The following ERCC3 variants were observed in gnomAD, a reference collection of about 807,000 sequenced individuals.
ERCC3 encodes general transcription and DNA repair factor IIH helicase/translocase subunit XPB.
A neutral mutation model predicts 94.2 loss-of-function variants in ERCC3; 66 were observed. The ratio of observed to expected loss-of-function variants is 0.70; its 90% CI spans 0.57 to 0.86. The LOEUF is 0.86. ERCC3 is among the 40% of genes least tolerant of loss of function. The pLI is 0.00. For missense variants in ERCC3, 829 were observed against 987.1 expected, an observed-to-expected ratio of 0.84 and a Z score of 2.15; for synonymous variants, 349 against 369.1, an observed-to-expected ratio of 0.95 and a Z score of 0.63.
intron 11 of ERCC3, among the ~76,000 whole-genome samples, chr2:127,272,052 CTT>C (rs1684575040): frequency 9.6e-6 from 1 of 104,524 alleles, no homozygotes; most frequent in Non-Finnish European, 1.7e-5. Context: ...GAGTCTCGCT[CTT>C]GTTGCCTAGG....
At chr2:127,293,822 A>C (rs756346526) in intron 1 of ERCC3, 104 bp from the exon 2 acceptor site, 8 of 1,594,684 alleles carry the variant, frequency 5.0e-6, no homozygotes, top group Non-Finnish European at 6.8e-6. Flanking sequence ...CCTAGCTAAG[A>C]GCCACCTGCA....
Position 127,292,686 on chromosome 2 carries a change from T to C in ERCC3, c.395A>G (p.Gln132Arg). 1.2e-6 allele frequency: 2 copies of C among 1,614,240 alleles called. No individual in the cohort carries two copies. Among genetic ancestry groups the C allele is most frequent in the South Asian group, 2.2e-5 (2 of 91,086 alleles). ...SLYAAVSVGL[Q>R]TSDITEYLRK... Reference sequence around the variant, plus strand: ...GAGGTACTCGGTGATGTCACTGGTTTGCAGCCCAACGCTGACAGCTGCATA... The same window carrying C: ...GAGGTACTCGGTGATGTCACTGGTTCGCAGCCCAACGCTGACAGCTGCATA... The change falls in exon 3 of 15, where the codon CAA (glutamine) becomes CGA (arginine). Residue 132 changes from glutamine (Q) to arginine (R), a missense_variant. Gln to Arg is a conservative substitution (Grantham distance 43). Coordinates refer to ENST00000285398, the MANE Select transcript of ERCC3 (RefSeq NM_000122.2).
intron 10 of ERCC3, among the ~76,000 whole-genome samples, chr2:127,276,355 A>G (rs560456586): frequency 2.0e-5 from 3 of 152,240 alleles, no homozygotes; most frequent in Non-Finnish European, 4.4e-5. Context: ...CTTTAAACCA[A>G]TAAAATACAG....
At position 127,280,343 on chromosome 2, in the gene ERCC3, G is replaced by A. The variant is rs1684868783; in HGVS notation, c.1527+104C>T. ...TCCTGTATGAAGTGGTAGCAGGTGAGCCTAAGTCCTGACCTGTGTCTGCCC... is the reference window on the plus strand; with the variant it reads ...TCCTGTATGAAGTGGTAGCAGGTGAACCTAAGTCCTGACCTGTGTCTGCCC... On this transcript the variant is annotated intron_variant, in intron 9 of 14. Coordinates refer to ENST00000285398, the MANE Select transcript of ERCC3 (RefSeq NM_000122.2). The surrounding 1 kb of genome is among the most constrained non-coding windows in gnomAD (Gnocchi z 6.3). 9.4e-7 allele frequency: 1 copy of A among 1,062,612 alleles called. No individual in the cohort carries two copies. Among genetic ancestry groups the A allele is most frequent in the South Asian group, 1.4e-5 (1 of 73,778 alleles). 65.8% of individuals were successfully genotyped at this position (1,062,612 alleles called of 1,614,324 possible).
intron 8 of ERCC3, among the ~76,000 whole-genome samples, chr2:127,285,466 G>A (rs1337883285): frequency 2.6e-5 from 4 of 152,082 alleles, no homozygotes; most frequent in Non-Finnish European, 5.9e-5. Flanking sequence ...TGAGGTGGGC[G>A]GATCACCTGA....
chr2:127,261,266 G>A lies in ERCC3; in HGVS notation c.2026C>T (p.Arg676Trp), dbSNP rs922942314. ...DTQEMAYSTK[R>W]QRFLVDQGYS... is the part of the protein sequence containing the mutation. The stretch of plus-strand genomic sequence containing the variant: ...CCTTGATCTACCAAGAATCTCTGCC[G>A]CTTGGTTGAGTAAGCCATTTCCTGT... The change falls in exon 13 of 15, where the codon CGG (arginine) becomes TGG (tryptophan). Residue 676 changes from arginine to tryptophan, a missense_variant. Coordinates refer to ENST00000285398, the MANE Select transcript of ERCC3 (RefSeq NM_000122.2). The A allele has an allele frequency of 4.3e-6, 7 of 1,612,562 alleles. No individual in the cohort carries two copies. Among genetic ancestry groups the A allele is most frequent in the South Asian group, 3.3e-5 (3 of 91,060 alleles).
chr2:127,293,611 C>T lies in ERCC3; in HGVS notation c.136G>A (p.Val46Met). 1.2e-6 allele frequency: 2 copies of T among 1,614,226 alleles called. No individual in the cohort carries two copies. Among genetic ancestry groups the T allele is most frequent in the Non-Finnish European group, 8.5e-7 (1 of 1,180,046 alleles). The change falls in exon 2 of 15, where the codon GTG becomes ATG. Residue 46 changes from valine (V) to methionine (M), a missense_variant. Val to Met is a conservative substitution (Grantham distance 21, BLOSUM62 1). Transcript: ENST00000285398. ...TCCACTTTGGTGCCTGACTCATCCA[C>T]CTGCTTCCCCGCCGCCGAGGGAACC... ...EAVPSAAGKQ[V>M]DESGTKVDEY...
chr2:127,280,467 C>A lies in ERCC3; in HGVS notation c.1507G>T (p.Ala503Ser). 1 of 1,612,558 alleles carries A rather than the reference C, an allele frequency of 6.2e-7. No homozygotes were observed. The highest frequency in any genetic ancestry group is 8.5e-7 in the Non-Finnish European group (1 of 1,179,424). Residue 503 changes from alanine to serine, a missense_variant, in exon 9 of 15, where the codon GCC (alanine) becomes TCC (serine). Physicochemically the swap from Ala to Ser is moderately conservative, Grantham distance 99 (BLOSUM62 1). Transcript: ENST00000285398. The surrounding 1 kb of genome is among the most constrained non-coding windows in gnomAD (Gnocchi z 6.3). Reference protein sequence around the residue: ...WMELQNNGYIAKVQCAEVWCP... With the variant: ...WMELQNNGYISKVQCAEVWCP... ...GCTACCTCAGCACACTGGACTTTGG[C>A]GATGTAGCCATTATTCTGCAGCTCC...
rs113979794 is a variant in ERCC3, at chr2:127,282,909, G to T, written c.1343-2278C>A. Among the ~76,000 whole-genome samples the T allele has an allele frequency of 3.3e-3, 502 of 152,122 alleles. 2 individuals carry two copies. The highest frequency in any genetic ancestry group is 0.011 in the African/African-American group (469 of 41,462). Reference sequence around the variant, plus strand: ...GTTGTCCCCTGGAACCTGGGACCTGGGGCTTGGGTTAAAGAAAAACATGAA... The same window carrying T: ...GTTGTCCCCTGGAACCTGGGACCTGTGGCTTGGGTTAAAGAAAAACATGAA... On this transcript the variant is annotated intron_variant, in intron 8 of 14. Coordinates refer to ENST00000285398, the MANE Select transcript of ERCC3 (RefSeq NM_000122.2).
In ERCC3 at chr2:127,277,890, T is replaced by C. The variant is rs943802258; in HGVS notation, c.1730+1283A>G. Among the ~76,000 whole-genome samples the C allele has an allele frequency of 4.6e-5, 7 of 152,172 alleles. No individual in the cohort carries two copies. Among genetic ancestry groups the C allele is most frequent in the Admixed American group, 3.9e-4 (6 of 15,272 alleles). On this transcript the variant is annotated intron_variant, in intron 10 of 14. Transcript: ENST00000285398. The surrounding 1 kb of genome is among the most constrained non-coding windows in gnomAD (Gnocchi z 5.1). The stretch of plus-strand genomic sequence containing the variant: ...CTCAACTCCTACAGTAGGAAGTTAA[T>C]AGGCAATTTCTATAACTGATCATCA...
At position 127,259,228 on chromosome 2, in the gene ERCC3, T is replaced by G; in HGVS notation, c.2217+68A>C. 6.3e-7 allele frequency: 1 copy of G among 1,574,942 alleles called. No homozygotes were observed. Among genetic ancestry groups the G allele is most frequent in the Non-Finnish European group, 8.7e-7 (1 of 1,145,384 alleles). ...CCATCCAGGCAGGACTACATGTCTGTGTCTGTGTCTACAAACGCTGCCCTG... is the reference window on the plus strand; with the variant it reads ...CCATCCAGGCAGGACTACATGTCTGGGTCTGTGTCTACAAACGCTGCCCTG... On this transcript the variant is annotated intron_variant, in intron 14 of 14. Transcript: ENST00000285398. The surrounding 1 kb of genome is among the most constrained non-coding windows in gnomAD (Gnocchi z 4.9).
rs1261162359 is a variant in ERCC3 at position 127,259,792 on chromosome 2, AAAGG to A, written c.2065-348_2065-345del. The A allele has an allele frequency of 5.4e-6, 2 of 370,602 alleles. No homozygotes were observed. The highest frequency in any genetic ancestry group is 2.2e-5 in the South Asian group (1 of 45,370). 23.0% of individuals were successfully genotyped at this position (370,602 alleles called of 1,614,324 possible). On this transcript the variant is annotated intron_variant, in intron 13 of 14. Coordinates refer to ENST00000285398, the MANE Select transcript of ERCC3 (RefSeq NM_000122.2). The surrounding 1 kb of genome is among the most constrained non-coding windows in gnomAD (Gnocchi z 4.9). ...GTAGCCTTCACATCTTGGAGCAGAC[AAAGG>A]AAGGGACAAGTGACTGGAAGGCACA...
chr2:127,272,050 C>G (rs1013057605), intron 11 of ERCC3, among the ~76,000 whole-genome samples: 1 of 113,692 alleles, frequency 8.8e-6, no homozygotes, highest in African/African-American at 3.3e-5. Flanking sequence ...CGGAGTCTCG[C>G]TCTTGTTGCC....
chr2:127,257,842 T>A lies in ERCC3; in HGVS notation c.2218-115A>T. ...ACTTACATAAATTTAATACATCATT[T>A]TTAATAATGTTTACAGATCGCTTAC... On this transcript the variant is annotated intron_variant, in intron 14 of 14. Transcript: ENST00000285398. This position sits in a 1 kb window ranked among gnomAD's most constrained non-coding sequence, Gnocchi z 5.4. 1 of 1,162,992 alleles carries A rather than the reference T, an allele frequency of 8.6e-7. No homozygotes were observed. Among genetic ancestry groups the A allele is most frequent in the Non-Finnish European group, 1.3e-6 (1 of 795,874 alleles). The allele number at this position is 1,162,992 out of a possible 1,614,324, so 72.0% of individuals were successfully genotyped here.
intron 12 of ERCC3, among the ~76,000 whole-genome samples, chr2:127,266,310 C>T (rs1437876916): frequency 7.8e-5 from 11 of 141,834 alleles, no homozygotes; most frequent in African/African-American, 1.1e-4. Flanking sequence ...GGTATGATTT[C>T]GACTTTTTTG....
intron 12 of ERCC3, chr2:127,261,746 G>A: frequency 3.7e-6 from 1 of 269,328 alleles, no homozygotes; most frequent in Non-Finnish European, 7.2e-6. Context: ...TAATCACCAG[G>A]GAAATGCAAC....
intron 8 of ERCC3, 61 bp downstream of exon 8, chr2:127,286,640 CCT>C: frequency 6.5e-7 from 1 of 1,535,014 alleles, no homozygotes; most frequent in Non-Finnish European, 9.0e-7. Flanking sequence ...CCTTTCCCAA[CCT>C]AACAACTGGA....
chr2:127,279,190 A>G lies in ERCC3; in HGVS notation c.1713T>C (p.Tyr571=), dbSNP rs1684831195. The G allele has an allele frequency of 6.2e-7, 1 of 1,612,510 alleles. No homozygotes were observed. ...ATTCTTACTTGTTCAGTCGAATGGC[A>G]TATTCCTTTAGGGCAAACACATTGT... is the stretch of plus-strand genomic sequence containing the variant. The part of the protein sequence containing the change: ...FADNVFALKE[Y]AIRLNKPYIY... The change falls in exon 10 of 15, where the codon TAT becomes TAC. Residue 571 remains tyrosine (Y), a synonymous_variant. Coordinates refer to ENST00000285398, the MANE Select transcript of ERCC3 (RefSeq NM_000122.2). This position sits in a 1 kb window ranked among gnomAD's most constrained non-coding sequence, Gnocchi z 4.7.
rs1685012113 is a variant in ERCC3 at position 127,284,683 on chromosome 2, CTTTA to C, written c.1342+2016_1342+2019del. ...CCTTAATTTACCCTAATCTGTTCAT[CTTTA>C]TTTTTTTTTTTTGAGACAGAGTCTC... On this transcript the variant is annotated intron_variant, in intron 8 of 14. Transcript: ENST00000285398. The surrounding 1 kb of genome is among the most constrained non-coding windows in gnomAD (Gnocchi z 4.1). 6.7e-6 allele frequency among the ~76,000 whole-genome samples: 1 copy of C among 148,958 alleles called. No homozygotes were observed. The highest frequency in any genetic ancestry group is 6.6e-5 in the Admixed American group (1 of 15,138).
Sources: allele counts gnomAD v4.1 joint callset (sites outside exome capture counted in the v4.1 genomes callset), GRCh38; gene constraint gnomAD v4.1.1; non-coding constraint Gnocchi (gnomAD v3.1); transcripts MANE v1.5; gene names NCBI Gene and HGNC (gene_info 2026-07-23, HGNC 2026-07-21).